Variants in PTPN2 observed in about 807,000 individuals in gnomAD.
PTPN2 encodes the protein tyrosine-protein phosphatase non-receptor type 2.
Under a neutral mutation model 57.3 loss-of-function variants are expected in PTPN2, and 19 were observed. The observed-to-expected ratio is 0.33, with a 90% confidence interval of 0.23 to 0.49. The LOEUF (loss-of-function observed/expected upper bound fraction) is 0.49, where lower values mean the gene tolerates loss of function less well. Ranked by LOEUF, PTPN2 falls within the 20% of genes least tolerant of loss-of-function variation. The probability of loss-of-function intolerance (pLI) is 0.99; values close to 1 mark genes in which losing one functional copy is unlikely to be tolerated. For missense variants in PTPN2, 358 were observed against 501.1 expected (o/e 0.71, Z 2.73); for synonymous variants, 153 against 164.9 (o/e 0.93, Z 0.55).
chr18:12,807,903 A>G (rs1326613540), intron 7 of PTPN2, among the ~76,000 whole-genome samples: 1 of 152,044 alleles, frequency 6.6e-6, no homozygotes, highest in Non-Finnish European at 1.5e-5. Flanking sequence ...AATATTTCAG[A>G]CAGGGTGTGG....
At chr18:12,812,366 C>T (rs1470429769) in intron 7 of PTPN2, among the ~76,000 whole-genome samples, 1 of 152,070 alleles carries the variant, frequency 6.6e-6, no homozygotes, top group Non-Finnish European at 1.5e-5. Flanking sequence ...TTTGGGACGC[C>T]GAGGTGGGCG....
At chr18:12,866,345 G>A (rs930335035) in intron 1 of PTPN2, among the ~76,000 whole-genome samples, 1 of 151,784 alleles carries the variant, frequency 6.6e-6, no homozygotes, top group African/African-American at 2.4e-5. Flanking sequence ...GGCTGAGGCA[G>A]GAGAATGGCG....
intron 2 of PTPN2, among the ~76,000 whole-genome samples, chr18:12,854,374 AAG>A (rs1491201829): frequency 2.0e-5 from 3 of 147,200 alleles, no homozygotes; most frequent in African/African-American, 7.8e-5. Flanking sequence ...AAAAAAAAAA[AAG>A]AAAAAAGAAA....
intron 1 of PTPN2, among the ~76,000 whole-genome samples, chr18:12,865,434 T>C (rs1324223984): frequency 1.4e-5 from 2 of 146,222 alleles, no homozygotes; most frequent in East Asian, 3.9e-4. Flanking sequence ...GACTCTGTCT[T>C]TATTAAAAAA....
At chr18:12,874,259 TCAGCCCCCCGCCCGGC>T (rs1215249684) in intron 1 of PTPN2, among the ~76,000 whole-genome samples, 3 of 128,810 alleles carry the variant, frequency 2.3e-5, no homozygotes, top group Admixed American at 7.7e-5. Context: ...GGTGGGGGGT[TCAGCCCCCCGCCCGGC>T]CAGCCGCCCC....
At chr18:12,795,321 T>C (rs1401882333) in intron 8 of PTPN2, among the ~76,000 whole-genome samples, 7 of 151,932 alleles carry the variant, frequency 4.6e-5, no homozygotes, top group Non-Finnish European at 1.0e-4. Flanking sequence ...GTGGATGGAG[T>C]CTTGTTCTGT....
chr18:12,873,157 G>A (rs1172205089), intron 1 of PTPN2, among the ~76,000 whole-genome samples: 1 of 151,766 alleles, frequency 6.6e-6, no homozygotes, highest in East Asian at 1.9e-4. Context: ...GGAGGTGGAG[G>A]TTGCAGTGAG....
chr18:12,808,079 A>G (rs1274561033), intron 7 of PTPN2, among the ~76,000 whole-genome samples: 1 of 152,038 alleles, frequency 6.6e-6, no homozygotes, highest in Non-Finnish European at 1.5e-5. Context: ...ATTACTTAAG[A>G]GACTAGGGCA....
chr18:12,833,082 G>A (rs1568126273), intron 3 of PTPN2, among the ~76,000 whole-genome samples: 1 of 152,168 alleles, frequency 6.6e-6, no homozygotes, highest in Non-Finnish European at 1.5e-5. Context: ...GAGCCACTAC[G>A]CCCAGCCATA....
At chr18:12,870,731 G>T (rs1417230314) in intron 1 of PTPN2, among the ~76,000 whole-genome samples, 1 of 151,260 alleles carries the variant, frequency 6.6e-6, no homozygotes, top group Non-Finnish European at 1.5e-5. Flanking sequence ...GGATGGTCTC[G>T]ATCTCCTGAC....
chr18:12,795,981 T>C lies in PTPN2; in HGVS notation c.1041-1496A>G, dbSNP rs115820046. On this transcript the variant is annotated intron_variant, in intron 8 of 8. Transcript: ENST00000309660. ...TACCGGGCCTAGTGCACGATGGTGC[T>C]TAAAAATCTCAAATGCCTCTTCAAT... Among the ~76,000 whole-genome samples, 1,000 of 151,902 alleles carry C rather than the reference T, an allele frequency of 6.6e-3. 17 individuals carry two copies. The highest frequency in any genetic ancestry group is 0.023 in the African/African-American group (947 of 41,372).
Position 12,793,569 on chromosome 18 carries a change from G to A in PTPN2, c.*709C>T, listed in dbSNP as rs566078683. 2.0e-6 allele frequency: 2 copies of A among 978,466 alleles called. No individual in the cohort carries two copies. Among genetic ancestry groups the A allele is most frequent in the Middle Eastern group, 5.3e-4 (1 of 1,900 alleles). 60.6% of individuals were successfully genotyped at this position (978,466 alleles called of 1,614,324 possible). A position where few individuals can be genotyped will look rare whatever the true frequency, so the allele number is the denominator to read the frequency against. On this transcript the variant is annotated 3_prime_UTR_variant, in exon 9 of 9. Transcript: ENST00000309660. ...TTGTTTGCTTTTCTTTTTAAAATGGGGAAAACTGTAAAACATAAAAGAAAT... is the reference window on the plus strand; with the variant it reads ...TTGTTTGCTTTTCTTTTTAAAATGGAGAAAACTGTAAAACATAAAAGAAAT...
At chr18:12,836,668 G>A in intron 3 of PTPN2, 123 bp downstream of exon 3, 1 of 626,694 alleles carries the variant, frequency 1.6e-6, no homozygotes, top group Non-Finnish European at 2.7e-6. Flanking sequence ...TACATCGTCA[G>A]AAAAAAACTG....
intron 2 of PTPN2, among the ~76,000 whole-genome samples, chr18:12,856,128 C>A (rs902313496): frequency 6.6e-6 from 1 of 152,116 alleles, no homozygotes; most frequent in Non-Finnish European, 1.5e-5. Context: ...CGCAATGAGC[C>A]GTAGTTCTTT....
intron 4 of PTPN2, among the ~76,000 whole-genome samples, chr18:12,829,698 G>A (rs541194800): frequency 6.6e-6 from 1 of 152,148 alleles, no homozygotes; most frequent in African/African-American, 2.4e-5. Flanking sequence ...GTCATCTGTT[G>A]AGAACAGATG....
intron 8 of PTPN2, among the ~76,000 whole-genome samples, chr18:12,795,768 C>CA (rs1473846661): frequency 6.6e-6 from 1 of 151,454 alleles, no homozygotes; most frequent in Non-Finnish European, 1.5e-5. Flanking sequence ...CCCACAAAAA[C>CA]AAAAAAACGG....
At chr18:12,851,969 A>G (rs2043410995) in intron 2 of PTPN2, among the ~76,000 whole-genome samples, 1 of 152,190 alleles carries the variant, frequency 6.6e-6, no homozygotes, top group Admixed American at 6.5e-5. Context: ...CTGCATGATT[A>G]CACATATATT....
chr18:12,835,204 TAAAAA>T (rs765112506), intron 3 of PTPN2, among the ~76,000 whole-genome samples: 2 of 151,688 alleles, frequency 1.3e-5, no homozygotes, highest in South Asian at 4.2e-4. Context: ...CAAATGCACA[TAAAAA>T]AAACTTCCAA....
At chr18:12,851,722 G>A (rs1004419641) in intron 2 of PTPN2, among the ~76,000 whole-genome samples, 3 of 152,164 alleles carry the variant, frequency 2.0e-5, no homozygotes, top group Non-Finnish European at 1.5e-5. Context: ...TGCAGGGAGC[G>A]TGCCGAAAGC....
Sources: allele counts gnomAD v4.1 joint callset (sites outside exome capture counted in the v4.1 genomes callset), GRCh38; gene constraint gnomAD v4.1.1; transcripts MANE v1.5; gene names NCBI Gene and HGNC (gene_info 2026-07-23, HGNC 2026-07-21).